The following CAMK2G variants were observed in gnomAD, a reference collection of about 807,000 sequenced individuals.
CAMK2G encodes the protein calcium/calmodulin-dependent protein kinase type II subunit gamma.
Under a neutral mutation model 88.7 loss-of-function variants are expected in CAMK2G, and 23 were observed. The ratio of observed to expected loss-of-function variants is 0.26; its 90% confidence interval spans 0.19 to 0.37. CAMK2G has a LOEUF of 0.37. Among genes scored for constraint, CAMK2G ranks in the 10% least tolerant of loss-of-function variants. The pLI is 1.00. For missense variants in CAMK2G, 476 were observed against 780.8 expected (o/e 0.61, Z 4.65); for synonymous variants, 263 against 294.8 (o/e 0.89, Z 1.11).
intron 1 of CAMK2G, 90 bp downstream of exon 1, chr10:73,874,307 G>A (rs1283280158): frequency 1.1e-5 from 9 of 829,660 alleles, no homozygotes; most frequent in Non-Finnish European, 1.4e-5. Flanking sequence ...GGGAGCCGCA[G>A]CGGCCGGTGC....
At chr10:73,833,761 G>T (rs2092836803) in intron 14 of CAMK2G, among the ~76,000 whole-genome samples, 1 of 151,624 alleles carries the variant, frequency 6.6e-6, no homozygotes, top group Admixed American at 6.6e-5. Flanking sequence ...ACCACTACTG[G>T]CTACTTTTTG....
chr10:73,872,022 C>T (rs781513247), intron 2 of CAMK2G, among the ~76,000 whole-genome samples: 2 of 152,172 alleles, frequency 1.3e-5, no homozygotes, highest in African/African-American at 2.4e-5. Flanking sequence ...ATCCTACTGC[C>T]CAGCCCTAAT....
At position 73,820,492 on chromosome 10, in the gene CAMK2G, ATTTT is replaced by A. The variant is rs1166533591; in HGVS notation, c.1250-851_1250-848del. On this transcript the variant is annotated intron_variant, in intron 18 of 22. Transcript: ENST00000423381. ...TATATATATATATATATATATATATATTTTTTTTTTTTTTTTTTTCTTGAGACAG... is the reference window on the plus strand; with the variant it reads ...TATATATATATATATATATATATATATTTTTTTTTTTTTTTCTTGAGACAG... Among the ~76,000 whole-genome samples the A allele has an allele frequency of 1.4e-3, 70 of 51,044 alleles. 1 individual carries two copies. The East Asian group carries it at 0.016, about 12-fold the overall frequency. 33.5% of individuals were successfully genotyped at this position (51,044 alleles called of 152,430 possible). A position where few individuals can be genotyped will look rare whatever the true frequency, so the allele number is the denominator to read the frequency against.
chr10:73,847,888 A>G (rs2094360340), intron 9 of CAMK2G, 100 bp downstream of exon 9: 2 of 718,972 alleles, frequency 2.8e-6, no homozygotes, highest in African/African-American at 3.5e-5. Flanking sequence ...ACACCCCCGT[A>G]TCACGTGACA....
At chr10:73,831,615 AC>A (rs2092459163) in intron 14 of CAMK2G, among the ~76,000 whole-genome samples, 2 of 151,250 alleles carry the variant, frequency 1.3e-5, no homozygotes, top group Non-Finnish European at 2.9e-5. Flanking sequence ...CATGCCTGTA[AC>A]CCCCGCACTT....
chr10:73,838,777 C>T (rs767338268), intron 13 of CAMK2G, among the ~76,000 whole-genome samples: 77 of 152,276 alleles, frequency 5.1e-4, no homozygotes, highest in Middle Eastern at 6.8e-3. Flanking sequence ...CAGCTCTCAA[C>T]GCTGGTTGCC....
intron 15 of CAMK2G, among the ~76,000 whole-genome samples, chr10:73,827,331 C>T (rs113384913): frequency 0.012 from 1,876 of 152,346 alleles, 40 homozygotes; most frequent in African/African-American, 0.042. Context: ...GGACTACAGG[C>T]GCCCACCACC....
chr10:73,819,501 G>A (rs561297241), intron 19 of CAMK2G, 31 bp downstream of exon 19: 86 of 1,465,052 alleles, frequency 5.9e-5, no homozygotes, highest in African/African-American at 1.4e-4. Context: ...CCAGGGAGAC[G>A]GAAGCCAGAA....
Position 73,848,593 on chromosome 10 carries a change from T to A in CAMK2G, c.534A>T (p.Pro178=), listed in dbSNP as rs138831885. Residue 178 remains proline (P), a synonymous_variant, in exon 8 of 23, where the codon CCA becomes CCT. Transcript: ENST00000423381. The surrounding 1 kb of genome is among the most constrained non-coding windows in gnomAD (Gnocchi z 4.5). ...QQAWFGFAGT[P]GYLSPEVLRK... ...TCAAGACCTCAGGGGACAAGTAACC[T>A]GGGGTGCCAGCAAAACCTGTAGCAA... is the stretch of plus-strand genomic sequence containing the variant. 3.9e-5 allele frequency: 63 copies of A among 1,610,640 alleles called. 1 individual carries two copies. The African/African-American group carries it at 6.7e-4, about 17-fold the overall frequency.
intron 3 of CAMK2G, among the ~76,000 whole-genome samples, chr10:73,859,359 C>T (rs566751499): frequency 7.2e-5 from 11 of 152,298 alleles, no homozygotes; most frequent in Admixed American, 2.6e-4. Context: ...ACTGGAAAGG[C>T]GGGGGAATAG....
At chr10:73,827,979 C>CTG in intron 15 of CAMK2G, 110 bp downstream of exon 15, 2 of 897,870 alleles carry the variant, frequency 2.2e-6, no homozygotes, top group Non-Finnish European at 3.8e-6. Flanking sequence ...ACAGCACAGA[C>CTG]ATGCAGTGAG....
At position 73,848,093 on chromosome 10, in the gene CAMK2G, G is replaced by A; in HGVS notation, c.602-11C>T. On this transcript the variant is annotated splice_polypyrimidine_tract_variant and intron_variant, in intron 8 of 22. Transcript: ENST00000423381. This position sits in a 1 kb window ranked among gnomAD's most constrained non-coding sequence, Gnocchi z 4.5. ...TATACAGGATGACCCCTACGAGACAGAACACACAGGTCATGGGGGTCAGTC... is the reference window on the plus strand; with the variant it reads ...TATACAGGATGACCCCTACGAGACAAAACACACAGGTCATGGGGGTCAGTC... 1 of 1,505,242 alleles carries A rather than the reference G, an allele frequency of 6.6e-7. No homozygotes were observed. Among genetic ancestry groups the A allele is most frequent in the South Asian group, 1.1e-5 (1 of 88,822 alleles). 93.2% of individuals were successfully genotyped at this position (1,505,242 alleles called of 1,614,324 possible).
chr10:73,821,641 T>C, intron 18 of CAMK2G, 41 bp downstream of exon 18: 1 of 1,525,494 alleles, frequency 6.6e-7, no homozygotes, highest in African/African-American at 1.4e-5. Context: ...GGTACCTGGG[T>C]CACTGCTGGA....
Position 73,848,107 on chromosome 10 carries a change from T to TG in CAMK2G, c.602-26dup, listed in dbSNP as rs1332874721. On this transcript the variant is annotated intron_variant, in intron 8 of 22. Transcript: ENST00000423381. This position sits in a 1 kb window ranked among gnomAD's most constrained non-coding sequence, Gnocchi z 4.5. ...CCTACGAGACAGAACACACAGGTCA[T>TG]GGGGGTCAGTCGCCTACTTCCCTGA... 6 of 1,398,176 alleles carry TG rather than the reference T, an allele frequency of 4.3e-6. No individual in the cohort carries two copies. Among genetic ancestry groups the TG allele is most frequent in the Non-Finnish European group, 6.1e-6 (6 of 983,878 alleles). The allele number at this position is 1,398,176 out of a possible 1,614,324, so 86.6% of individuals were successfully genotyped here.
Position 73,849,164 on chromosome 10 carries a change from G to C in CAMK2G, c.415-49C>G, listed in dbSNP as rs376576026. The C allele has an allele frequency of 1.0e-4, 160 of 1,577,090 alleles. No homozygotes were observed. In the African/African-American group the frequency reaches 2.1e-3, roughly 20 times the overall value. ...TTGTGAGCACCCACCCTGCAGCCCA[G>C]AGGAAGCCTAGTTTGGGCCTACGCA... On this transcript the variant is annotated intron_variant, in intron 6 of 22. Transcript: ENST00000423381.
At chr10:73,870,677 C>G (rs2095796511) in intron 2 of CAMK2G, among the ~76,000 whole-genome samples, 1 of 152,310 alleles carries the variant, frequency 6.6e-6, no homozygotes, top group Admixed American at 6.5e-5. Flanking sequence ...CACAGATGAC[C>G]CTGGTGGGCC....
rs149831005 is a variant in CAMK2G at position 73,814,073 on chromosome 10, C to T, written c.*445G>A. The T allele has an allele frequency of 1.3e-5, 2 of 152,302 alleles. No homozygotes were observed. Among genetic ancestry groups the T allele is most frequent in the Admixed American group, 6.5e-5 (1 of 15,288 alleles). 9.4% of individuals were successfully genotyped at this position (152,302 alleles called of 1,614,324 possible). A position where few individuals can be genotyped will look rare whatever the true frequency, so the allele number is the denominator to read the frequency against. On this transcript the variant is annotated 3_prime_UTR_variant, in exon 23 of 23. Transcript: ENST00000423381. The stretch of plus-strand genomic sequence containing the variant: ...CTCAGGAGCTGCAATCACATCACGG[C>T]CCCCAAAGCTCTGTCAGAGTTCTTG...
intron 14 of CAMK2G, among the ~76,000 whole-genome samples, chr10:73,835,576 G>A (rs1179942190): frequency 1.3e-5 from 2 of 149,816 alleles, no homozygotes; most frequent in Admixed American, 6.7e-5. Context: ...CAGGAGTGAA[G>A]CCACCGCACC....
At chr10:73,866,719 C>T (rs527415965) in intron 2 of CAMK2G, among the ~76,000 whole-genome samples, 130 of 152,306 alleles carry the variant, frequency 8.5e-4, no homozygotes, top group Non-Finnish European at 1.5e-3. Flanking sequence ...GCCTCACTTG[C>T]TGCCCTCCTG....
Sources: gnomAD v4.1 joint callset for allele counts (sites outside exome capture counted in the v4.1 genomes callset) on GRCh38, gnomAD v4.1.1 for gene constraint, Gnocchi (gnomAD v3.1) non-coding constraint, MANE v1.5 for transcripts, NCBI Gene and HGNC (gene_info 2026-07-23, HGNC 2026-07-21) for gene names.